PRKN: variants seen among roughly 807,000 people sequenced by gnomAD.
The protein encoded by PRKN is parkin RBR E3 ubiquitin protein ligase, also known as E3 ubiquitin-protein ligase parkin.
A neutral mutation model predicts 59.5 loss-of-function variants in PRKN; 56 were observed. The ratio of observed to expected loss-of-function variants is 0.94; its 90% CI spans 0.76 to 1.18. The LOEUF is 1.18. Among genes scored for constraint, PRKN ranks in the 50% most tolerant of loss-of-function variants. The pLI, the probability that PRKN is intolerant of heterozygous loss-of-function variation, is 0.00. For synonymous variants in PRKN, 250 were observed against 222.1 expected (o/e 1.13, Z -1.12); for missense variants, 657 against 596.4 (o/e 1.10, Z -1.06).
intron 6 of PRKN, among the ~76,000 whole-genome samples, chr6:161,923,309 C>T (rs979483490): frequency 2.0e-5 from 3 of 152,152 alleles, no homozygotes; most frequent in Non-Finnish European, 4.4e-5. Flanking sequence ...ACAGTGAAAC[C>T]CTGTCTCTAC....
At chr6:162,335,151 T>C (rs988198204) in intron 2 of PRKN, among the ~76,000 whole-genome samples, 20 of 151,968 alleles carry the variant, frequency 1.3e-4, no homozygotes, top group Admixed American at 3.3e-4. Context: ...GTACCTGTGA[T>C]TATAGGTACA....
chr6:161,481,846 A>G lies in PRKN; in HGVS notation c.1083+67008T>C, dbSNP rs546896476. On this transcript the variant is annotated intron_variant, in intron 9 of 11. Transcript: ENST00000366898. ...ATTCCTCTGTCATTTTCTTCTCTTC[A>G]TATAAACTTAGTTTGGGCAATTTTT... Among the ~76,000 whole-genome samples, 23 of 152,160 alleles carry G rather than the reference A, an allele frequency of 1.5e-4. No individual in the cohort carries two copies. In the East Asian group the frequency reaches 4.3e-3, roughly 28 times the overall value.
At chr6:162,277,250 A>G (rs1780673567) in intron 2 of PRKN, among the ~76,000 whole-genome samples, 1 of 152,164 alleles carries the variant, frequency 6.6e-6, no homozygotes, top group Non-Finnish European at 1.5e-5. Flanking sequence ...TCAAAAGAGG[A>G]GGGTTATTTC....
At chr6:162,386,670 G>A (rs906496852) in intron 2 of PRKN, among the ~76,000 whole-genome samples, 10 of 152,236 alleles carry the variant, frequency 6.6e-5, no homozygotes, top group African/African-American at 1.9e-4. Context: ...TGTGAAATAT[G>A]CGTGTACGTA....
At chr6:162,569,490 G>A (rs931130560) in intron 1 of PRKN, 1 of 690,938 alleles carries the variant, frequency 1.4e-6, no homozygotes, top group Non-Finnish European at 2.7e-6. Flanking sequence ...CTGGAGTCTG[G>A]GATGCAGAAC....
At chr6:162,538,976 T>C (rs978404863) in intron 1 of PRKN, among the ~76,000 whole-genome samples, 11 of 152,188 alleles carry the variant, frequency 7.2e-5, no homozygotes, top group African/African-American at 2.4e-4. Flanking sequence ...CTCCAAGTGA[T>C]TACCGTGGGG....
chr6:162,147,195 C>T (rs1782067079), intron 4 of PRKN, among the ~76,000 whole-genome samples: 1 of 151,102 alleles, frequency 6.6e-6, no homozygotes. Context: ...ACAAAAATTA[C>T]CCACTGGCGT....
Position 161,410,885 on chromosome 6 carries a change from A to C in PRKN, c.1084-24008T>G, listed in dbSNP as rs1483295375. Among the ~76,000 whole-genome samples the C allele has an allele frequency of 6.6e-6, 1 of 152,150 alleles. No homozygotes were observed. Among genetic ancestry groups the C allele is most frequent in the Non-Finnish European group, 1.5e-5 (1 of 68,046 alleles). On this transcript the variant is annotated intron_variant, in intron 9 of 11. Transcript: ENST00000366898. This position sits in a 1 kb window ranked among gnomAD's most constrained non-coding sequence, Gnocchi z 5.3. ...AGCAACTCATCACCTACCCATAAGA[A>C]TAACAGAAAGGGCCACTCGATGGTT...
Position 161,680,781 on chromosome 6 carries a change from T to TTTTTTTGTTTTTG in PRKN, c.871+104990_871+104991insCAAAAACAAAAAA, listed in dbSNP as rs1554292305. ...TATATATATATATATATATATTTTT[T>TTTTTTTGTTTTTG]TTTTTTTTTCTTTTCCTAAAACAAC... On this transcript the variant is annotated intron_variant, in intron 7 of 11. Transcript: ENST00000366898. 1.2e-4 allele frequency among the ~76,000 whole-genome samples: 11 copies of TTTTTTTGTTTTTG among 93,788 alleles called. No individual in the cohort carries two copies. In the East Asian group the frequency reaches 1.4e-3, roughly 12 times the overall value. 61.5% of individuals were successfully genotyped at this position (93,788 alleles called of 152,430 possible). A position where few individuals can be genotyped will look rare whatever the true frequency, so the allele number is the denominator to read the frequency against.
At chr6:162,244,380 A>G (rs900670068) in intron 3 of PRKN, among the ~76,000 whole-genome samples, 83 of 150,760 alleles carry the variant, frequency 5.5e-4, no homozygotes, top group African/African-American at 1.9e-3. Flanking sequence ...TTTGACAGGG[A>G]AAAAAAAAGC....
chr6:162,504,527 G>C (rs369466026), intron 1 of PRKN, among the ~76,000 whole-genome samples: 20 of 152,270 alleles, frequency 1.3e-4, no homozygotes, highest in Admixed American at 4.6e-4. Context: ...TGACATCTTG[G>C]TGTACGACAG....
chr6:161,840,338 A>C (rs1186468950), intron 6 of PRKN, among the ~76,000 whole-genome samples: 1 of 152,200 alleles, frequency 6.6e-6, no homozygotes, highest in Non-Finnish European at 1.5e-5. Flanking sequence ...TCAGCAGCTA[A>C]AGTGCATCTA....
intron 7 of PRKN, among the ~76,000 whole-genome samples, chr6:161,586,631 T>C (rs887775004): frequency 1.3e-5 from 2 of 152,248 alleles, no homozygotes; most frequent in African/African-American, 4.8e-5. Context: ...CATGTGTCCA[T>C]GGGTAGAATA....
intron 4 of PRKN, among the ~76,000 whole-genome samples, chr6:162,155,132 C>T (rs1782453591): frequency 6.6e-6 from 1 of 150,634 alleles, no homozygotes; most frequent in Non-Finnish European, 1.5e-5. Context: ...ATGACTTACT[C>T]AGCTGTTTCC....
At chr6:162,388,906 C>T (rs537138762) in intron 2 of PRKN, among the ~76,000 whole-genome samples, 35 of 150,978 alleles carry the variant, frequency 2.3e-4, no homozygotes, top group African/African-American at 8.3e-4. Flanking sequence ...ACCCACTGTC[C>T]AGTCCAAAGT....
chr6:162,134,782 A>G (rs1407833708), intron 4 of PRKN, among the ~76,000 whole-genome samples: 1 of 152,200 alleles, frequency 6.6e-6, no homozygotes, highest in African/African-American at 2.4e-5. Context: ...GCCAAAAAGA[A>G]AGAGTGGATG....
intron 2 of PRKN, among the ~76,000 whole-genome samples, chr6:162,369,948 C>T (rs1332530299): frequency 3.3e-5 from 5 of 152,094 alleles, no homozygotes; most frequent in African/African-American, 1.2e-4. Flanking sequence ...GGGCAGTTTG[C>T]TGGAGTGAAA....
At chr6:162,568,266 A>C in intron 1 of PRKN, 1 of 201,536 alleles carries the variant, frequency 5.0e-6, no homozygotes, top group Non-Finnish European at 1.0e-5. Context: ...AAATGGACAA[A>C]GGGGATCATA....
intron 1 of PRKN, among the ~76,000 whole-genome samples, chr6:162,526,301 T>G (rs1778281201): frequency 6.9e-6 from 1 of 145,886 alleles, no homozygotes; most frequent in Non-Finnish European, 1.5e-5. Flanking sequence ...ACAAAATACT[T>G]GGTATCATTA....
Sources: gnomAD v4.1 joint callset for allele counts (sites outside exome capture counted in the v4.1 genomes callset) on GRCh38, gnomAD v4.1.1 for gene constraint, Gnocchi (gnomAD v3.1) non-coding constraint, MANE v1.5 for transcripts, NCBI Gene and HGNC (gene_info 2026-07-23, HGNC 2026-07-21) for gene names.